The following NHEJ1 variants were observed in gnomAD, a reference collection of about 807,000 sequenced individuals.
NHEJ1 encodes non-homologous end-joining factor 1.
NHEJ1 carries 22 observed loss-of-function variants against 39.4 expected under a neutral mutation model. The ratio of observed to expected loss-of-function variants is 0.56; its 90% confidence interval spans 0.40 to 0.80. NHEJ1 has a LOEUF of 0.80. Among genes scored for constraint, NHEJ1 ranks in the 30% least tolerant of loss-of-function variants. NHEJ1 has a pLI of 0.00. For synonymous variants in NHEJ1, 154 were observed against 135.6 expected, an observed-to-expected ratio of 1.14 and a Z score of -0.94; for missense variants, 329 against 357.1, an observed-to-expected ratio of 0.92 and a Z score of 0.63.
chr2:219,101,332 C>T (rs1366774294), intron 5 of NHEJ1, among the ~76,000 whole-genome samples: 1 of 152,172 alleles, frequency 6.6e-6, no homozygotes, highest in African/African-American at 2.4e-5. Context: ...CCAGGCTGGT[C>T]TCAAACTCCT....
rs79406889 is a variant in NHEJ1 at position 219,095,830 on chromosome 2, A to G, written c.589-17624T>C. Among the ~76,000 whole-genome samples the G allele has an allele frequency of 3.0e-3, 463 of 152,306 alleles. 1 individual carries two copies. The highest frequency in any genetic ancestry group is 0.011 in the African/African-American group (445 of 41,572). On this transcript the variant is annotated intron_variant, in intron 5 of 7. Transcript: ENST00000356853. ...ACCAGATAAAAGCTGGCGAAGCAAT[A>G]AATGTATCCATTTGACAACATCTGA...
intron 3 of NHEJ1, among the ~76,000 whole-genome samples, chr2:219,151,443 C>T (rs935022281): frequency 2.6e-5 from 4 of 152,144 alleles, no homozygotes; most frequent in African/African-American, 9.7e-5. Flanking sequence ...TATGATAATG[C>T]CACATCAGGC....
chr2:219,095,300 T>G (rs765600739), intron 5 of NHEJ1: 2 of 471,010 alleles, frequency 4.2e-6, no homozygotes, highest in South Asian at 1.5e-5. Flanking sequence ...CGATGCAGCA[T>G]GTAGAGTTCT....
chr2:219,106,592 A>G (rs2106336777), intron 5 of NHEJ1, among the ~76,000 whole-genome samples: 1 of 152,326 alleles, frequency 6.6e-6, no homozygotes, highest in Middle Eastern at 3.4e-3. Flanking sequence ...AGATATCTAC[A>G]AGTGTTATAT....
intron 3 of NHEJ1, among the ~76,000 whole-genome samples, chr2:219,153,000 G>A (rs1319253192): frequency 2.0e-5 from 3 of 151,236 alleles, no homozygotes; most frequent in Admixed American, 6.6e-5. Context: ...ATAGGGTTTC[G>A]CTATGTTGGC....
intron 3 of NHEJ1, among the ~76,000 whole-genome samples, chr2:219,156,775 T>G (rs939291463): frequency 6.6e-6 from 1 of 152,252 alleles, no homozygotes. Context: ...TATCTAACAC[T>G]GGTACATATT....
chr2:219,152,849 C>A (rs1412281183), intron 3 of NHEJ1, among the ~76,000 whole-genome samples: 2 of 143,754 alleles, frequency 1.4e-5, no homozygotes, highest in Non-Finnish European at 3.1e-5. Flanking sequence ...TGTAGCCAGG[C>A]TGGAGTGCAA....
intron 5 of NHEJ1, among the ~76,000 whole-genome samples, chr2:219,113,965 T>G (rs575329764): frequency 6.6e-6 from 1 of 152,234 alleles, no homozygotes; most frequent in South Asian, 2.1e-4. Flanking sequence ...CCCACAATAT[T>G]CTCATCCAAA....
At position 219,111,828 on chromosome 2, in the gene NHEJ1, A is replaced by G. The variant is rs908769270; in HGVS notation, c.589-33622T>C. The stretch of plus-strand genomic sequence containing the variant: ...AACCGGTCCCATATTTACCAGCTTT[A>G]TAAATGGGACTGACCACAGCTGCCC... On this transcript the variant is annotated intron_variant, in intron 5 of 7. Transcript: ENST00000356853. This position sits in a 1 kb window ranked among gnomAD's most constrained non-coding sequence, Gnocchi z 4.1. Among the ~76,000 whole-genome samples, 5 of 152,218 alleles carry G rather than the reference A, an allele frequency of 3.3e-5. No individual in the cohort carries two copies. Among genetic ancestry groups the G allele is most frequent in the Admixed American group, 3.3e-4 (5 of 15,282 alleles).
At chr2:219,142,023 G>C (rs1949696295) in intron 5 of NHEJ1, among the ~76,000 whole-genome samples, 1 of 152,186 alleles carries the variant, frequency 6.6e-6, no homozygotes, top group African/African-American at 2.4e-5. Context: ...TCTAGAATCA[G>C]GCTGCAACCA....
intron 5 of NHEJ1, among the ~76,000 whole-genome samples, chr2:219,123,637 A>G (rs1012158714): frequency 6.6e-6 from 1 of 152,236 alleles, no homozygotes; most frequent in African/African-American, 2.4e-5. Flanking sequence ...TAATGCTAAT[A>G]AGATTCCTGC....
rs955920787 is a variant in NHEJ1, at chr2:219,074,497, A to G, written c.*1884T>C. Among the ~76,000 whole-genome samples, 17 of 152,194 alleles carry G rather than the reference A, an allele frequency of 1.1e-4. No homozygotes were observed. Among genetic ancestry groups the G allele is most frequent in the African/African-American group, 4.1e-4 (17 of 41,458 alleles). ...AGTGGCTCAAACGTGTAATCCCAGC[A>G]CTTTGGGAGGCCGAGGCAGGTAGAT... On this transcript the variant is annotated 3_prime_UTR_variant, in exon 8 of 8. Coordinates refer to ENST00000356853, the MANE Select transcript of NHEJ1 (RefSeq NM_024782.3).
intron 5 of NHEJ1, among the ~76,000 whole-genome samples, chr2:219,103,265 T>A (rs543671155): frequency 6.6e-6 from 1 of 152,056 alleles, no homozygotes; most frequent in South Asian, 2.1e-4. Context: ...TTATTTATTT[T>A]TAACTTTTTT....
At chr2:219,086,149 C>A (rs1186490551) in intron 5 of NHEJ1, among the ~76,000 whole-genome samples, 1 of 152,194 alleles carries the variant, frequency 6.6e-6, no homozygotes. Flanking sequence ...CTGCAATTAA[C>A]CTCCACTGTT....
At chr2:219,109,872 C>T (rs1325652519) in intron 5 of NHEJ1, among the ~76,000 whole-genome samples, 3 of 152,128 alleles carry the variant, frequency 2.0e-5, no homozygotes, top group African/African-American at 4.8e-5. Flanking sequence ...TCATCAGTAA[C>T]GACAGTATAT....
intron 5 of NHEJ1, among the ~76,000 whole-genome samples, chr2:219,129,884 T>C (rs1404673058): frequency 1.3e-5 from 2 of 152,152 alleles, no homozygotes; most frequent in Non-Finnish European, 2.9e-5. Flanking sequence ...TTATAGTCTG[T>C]TTACCAAGAT....
At chr2:219,106,534 C>T (rs1363232123) in intron 5 of NHEJ1, among the ~76,000 whole-genome samples, 3 of 152,176 alleles carry the variant, frequency 2.0e-5, no homozygotes, top group African/African-American at 7.2e-5. Flanking sequence ...GCAAAAGAGA[C>T]ACTGCTCTCC....
At chr2:219,098,022 G>A (rs1949224589) in intron 5 of NHEJ1, among the ~76,000 whole-genome samples, 1 of 152,212 alleles carries the variant, frequency 6.6e-6, no homozygotes, top group African/African-American at 2.4e-5. Flanking sequence ...CCAAATGAAA[G>A]TATGTCGAGA....
At chr2:219,130,836 C>T (rs1457847938) in intron 5 of NHEJ1, among the ~76,000 whole-genome samples, 1 of 152,166 alleles carries the variant, frequency 6.6e-6, no homozygotes, top group Non-Finnish European at 1.5e-5. Flanking sequence ...GGTGTGTAAT[C>T]CCAGCATTTT....
Sources: gnomAD v4.1 joint callset for allele counts (sites outside exome capture counted in the v4.1 genomes callset) on GRCh38, gnomAD v4.1.1 for gene constraint, Gnocchi (gnomAD v3.1) non-coding constraint, MANE v1.5 for transcripts, NCBI Gene and HGNC (gene_info 2026-07-23, HGNC 2026-07-21) for gene names.